Variants in BRI3 observed in about 807,000 individuals in gnomAD.
The protein encoded by BRI3 is brain protein I3, also known as membrane protein BRI3.
A neutral mutation model predicts 12.8 loss-of-function variants in BRI3; 6 were observed. The observed-to-expected ratio is 0.47, with a 90% CI of 0.26 to 0.93. The LOEUF (loss-of-function observed/expected upper bound fraction) is 0.93, where lower values mean the gene tolerates loss of function less well. BRI3 is among the 40% of genes least tolerant of loss of function. The pLI is 0.15. For missense variants in BRI3, 134 were observed against 171.1 expected, an observed-to-expected ratio of 0.78 and a Z score of 1.21; for synonymous variants, 91 against 76.1, an observed-to-expected ratio of 1.20 and a Z score of -1.02.
chr7:98,285,868 C>T (rs1403381984), intron 2 of BRI3, among the ~76,000 whole-genome samples: 6 of 152,166 alleles, frequency 3.9e-5, no homozygotes, highest in East Asian at 3.9e-4. Flanking sequence ...CCTCGCCCTG[C>T]GCTGAGCATG....
upstream of BRI3, among the ~76,000 whole-genome samples, chr7:98,301,595 G>A (rs973160015): frequency 1.3e-5 from 2 of 152,028 alleles, no homozygotes. Flanking sequence ...GGGATTACAG[G>A]CGTGAGCCAC....
At chr7:98,307,392 C>T (rs1422465607) in intron 1 of BRI3, 4 of 1,218,208 alleles carry the variant, frequency 3.3e-6, no homozygotes, top group Admixed American at 3.7e-5. Flanking sequence ...AAGCATGAGC[C>T]ACTGCACTGG....
At chr7:98,311,387 CA>C (rs1437070980), downstream of BRI3, among the ~76,000 whole-genome samples, 1 of 150,906 alleles carries the variant, frequency 6.6e-6, no homozygotes, top group Non-Finnish European at 1.5e-5. Context: ...ACTAAAAATA[CA>C]AAAAAATTAG....
rs1799557608 is a variant in BRI3 at position 98,282,424 on chromosome 7, CGTG to C, written c.219_221del (p.Val75del). 6.2e-7 allele frequency: 1 copy of C among 1,613,936 alleles called. No individual in the cohort carries two copies. The highest frequency in any genetic ancestry group is 8.5e-7 in the Non-Finnish European group (1 of 1,179,974). ...TCACCCGCTATCCTGCCAACTCTAT[CGTG>C]GTCGTAGGAGGCTGTCCTGTCTGCA... On this transcript the variant is annotated inframe_deletion, in exon 2 of 3. Coordinates refer to ENST00000297290, the MANE Select transcript of BRI3 (RefSeq NM_015379.5).
intron 1 of BRI3, among the ~76,000 whole-genome samples, chr7:98,300,882 C>G (rs890426181): frequency 2.0e-5 from 3 of 152,158 alleles, no homozygotes; most frequent in African/African-American, 4.8e-5. Flanking sequence ...GTGTTTTTGC[C>G]GAAGCTCGTG....
downstream of BRI3, chr7:98,312,304 T>C: frequency 6.4e-7 from 1 of 1,563,848 alleles, no homozygotes. Context: ...CAAAGAAGAT[T>C]GTCTGAAGAG....
chr7:98,315,501 G>A, the BRI3 span: 16 of 1,521,570 alleles, frequency 1.1e-5, no homozygotes, highest in Non-Finnish European at 8.9e-6. Context: ...AAGCCACAGT[G>A]CTTATCAACC....
upstream of BRI3, among the ~76,000 whole-genome samples, chr7:98,302,459 C>T (rs879856701): frequency 2.6e-5 from 4 of 152,178 alleles, no homozygotes; most frequent in Non-Finnish European, 5.9e-5. Context: ...AAGAGATGGA[C>T]GTCCACACGT....
the BRI3 span, chr7:98,320,287 T>A: frequency 6.2e-7 from 1 of 1,606,586 alleles, no homozygotes; most frequent in Non-Finnish European, 8.5e-7. Context: ...GAAATCTCTA[T>A]GAGGACATGT....
At chr7:98,312,099 C>T (rs752863802), downstream of BRI3, 25 of 1,594,510 alleles carry the variant, frequency 1.6e-5, no homozygotes, top group East Asian at 3.8e-4. Context: ...GCTCCTACCA[C>T]ATTGCTTCTC....
chr7:98,306,457 A>C, upstream of BRI3: 2 of 1,614,188 alleles, frequency 1.2e-6, no homozygotes, highest in Non-Finnish European at 1.7e-6. Flanking sequence ...GGGCACGGTC[A>C]CTGCTTCTGT....
intron 2 of BRI3, among the ~76,000 whole-genome samples, chr7:98,288,142 A>G (rs1232481700): frequency 6.6e-6 from 1 of 152,172 alleles, no homozygotes; most frequent in East Asian, 1.9e-4. Context: ...ATATACAGCC[A>G]GTGTGTTTCC....
upstream of BRI3, among the ~76,000 whole-genome samples, chr7:98,302,296 A>G (rs1293116933): frequency 2.6e-5 from 4 of 152,202 alleles, no homozygotes; most frequent in Non-Finnish European, 4.4e-5. Flanking sequence ...CTAACACTGA[A>G]GACTATCCAG....
At chr7:98,311,522 CAG>C (rs1339205200), downstream of BRI3, among the ~76,000 whole-genome samples, 4 of 150,930 alleles carry the variant, frequency 2.7e-5, no homozygotes, top group Non-Finnish European at 5.9e-5. Flanking sequence ...GCCTGAGTGA[CAG>C]AGCAAGACTG....
exon 2 of BRI3, chr7:98,308,910 C>G (rs1800768683): frequency 6.6e-6 from 1 of 152,048 alleles, no homozygotes; most frequent in Admixed American, 6.5e-5. Flanking sequence ...ACCTCCTGGC[C>G]TCAAGTGATC....
the BRI3 span, among the ~76,000 whole-genome samples, chr7:98,318,799 C>T: frequency 6.6e-6 from 1 of 151,424 alleles, no homozygotes; most frequent in African/African-American, 2.4e-5. Flanking sequence ...CAAAAATTAG[C>T]CGGGTGCAGT....
downstream of BRI3, among the ~76,000 whole-genome samples, chr7:98,313,742 C>T (rs1245256945): frequency 6.6e-6 from 1 of 151,934 alleles, no homozygotes; most frequent in African/African-American, 2.4e-5. Flanking sequence ...CCTCAGCCTC[C>T]TGAGTAGCTG....
the BRI3 span, chr7:98,319,992 G>T: frequency 7.6e-7 from 1 of 1,320,508 alleles, no homozygotes; most frequent in South Asian, 1.3e-5. Context: ...CAGTGGGAAC[G>T]AGTTCTCCCC....
chr7:98,301,613 G>A (rs541944439), upstream of BRI3, among the ~76,000 whole-genome samples: 189 of 152,086 alleles, frequency 1.2e-3, no homozygotes, highest in Non-Finnish European at 2.3e-3. Context: ...CACCGTGCCC[G>A]GCCAAGCCTT....
Sources: allele counts gnomAD v4.1 joint callset (sites outside exome capture counted in the v4.1 genomes callset), GRCh38; gene constraint gnomAD v4.1.1; transcripts MANE v1.5; gene names NCBI Gene and HGNC (gene_info 2026-07-23, HGNC 2026-07-21).